TBC1D19: variants seen among roughly 807,000 people sequenced by gnomAD.
The protein encoded by TBC1D19 is TBC1 domain family member 19.
A neutral mutation model predicts 89.0 loss-of-function variants in TBC1D19; 60 were observed. The ratio of observed to expected loss-of-function variants is 0.67; its 90% CI spans 0.55 to 0.84. The LOEUF is 0.84. Among genes scored for constraint, TBC1D19 ranks in the 40% least tolerant of loss-of-function variants. The pLI is 0.00. For missense variants in TBC1D19, 500 were observed against 610.8 expected (o/e 0.82, Z 1.91); for synonymous variants, 189 against 199.7 (o/e 0.95, Z 0.45).
At chr4:26,630,138 A>T (rs1472337813) in intron 4 of TBC1D19, among the ~76,000 whole-genome samples, 2 of 151,716 alleles carry the variant, frequency 1.3e-5, no homozygotes, top group Non-Finnish European at 2.9e-5. Flanking sequence ...TGCTATACTA[A>T]TTTAAAAAAA....
chr4:26,628,578 T>G (rs1742586374), intron 4 of TBC1D19, among the ~76,000 whole-genome samples: 2 of 152,120 alleles, frequency 1.3e-5, no homozygotes, highest in Admixed American at 6.6e-5. Context: ...TGTCCTTGTT[T>G]GCAGATGACA....
chr4:26,845,313 G>C, the TBC1D19 span, among the ~76,000 whole-genome samples: 1 of 152,052 alleles, frequency 6.6e-6, no homozygotes, highest in African/African-American at 2.4e-5. Flanking sequence ...TTCAAAAAGT[G>C]TAATTACTGG....
intron 3 of TBC1D19, among the ~76,000 whole-genome samples, chr4:26,618,112 A>G (rs1435738935): frequency 1.3e-5 from 2 of 152,168 alleles, no homozygotes; most frequent in Non-Finnish European, 1.5e-5. Flanking sequence ...ATGCTACTGT[A>G]TGTTTGCTAT....
At chr4:26,786,727 A>AGGTGGGTG in the TBC1D19 span, among the ~76,000 whole-genome samples, 5 of 7,984 alleles carry the variant, frequency 6.3e-4, no homozygotes, top group Non-Finnish European at 1.2e-3. Context: ...GTGGGTGGAT[A>AGGTGGGTG]GGTGGGTGGG....
rs1717979487 is a variant in TBC1D19, at chr4:26,735,363, A to G, written c.1085-92A>G. On this transcript the variant is annotated intron_variant, in intron 15 of 20. Transcript: ENST00000264866. ...GAACAGAGTTGAAGCAAAAATAGAA[A>G]ACCTTTTTATTGTCAGTTTTAATCT... 6.6e-6 allele frequency: 7 copies of G among 1,063,018 alleles called. No homozygotes were observed. In the East Asian group the frequency reaches 2.1e-4, roughly 31 times the overall value. The allele number at this position is 1,063,018 out of a possible 1,614,324, so 65.8% of individuals were successfully genotyped here.
At chr4:26,835,255 T>C in the TBC1D19 span, among the ~76,000 whole-genome samples, 1 of 152,120 alleles carries the variant, frequency 6.6e-6, no homozygotes, top group Non-Finnish European at 1.5e-5. Context: ...GAAGGGGCCA[T>C]GAGCCAAGGA....
chr4:26,579,409 G>A (rs768396446), upstream of TBC1D19, among the ~76,000 whole-genome samples: 4 of 151,818 alleles, frequency 2.6e-5, no homozygotes, highest in Non-Finnish European at 5.9e-5. Context: ...AGTCTTCTTC[G>A]GAGCTTCTTG....
At chr4:26,748,633 T>A in intron 19 of TBC1D19, 107 bp downstream of exon 19, 1 of 816,460 alleles carries the variant, frequency 1.2e-6, no homozygotes, top group Non-Finnish European at 2.0e-6. Context: ...CACTTCTAAT[T>A]CATGAACAAT....
the TBC1D19 span, among the ~76,000 whole-genome samples, chr4:26,763,279 AG>A: frequency 6.6e-6 from 1 of 152,168 alleles, no homozygotes; most frequent in African/African-American, 2.4e-5. Context: ...TATAAAGGGA[AG>A]TGGGAGTCAG....
intron 7 of TBC1D19, among the ~76,000 whole-genome samples, chr4:26,655,185 T>G (rs1370214203): frequency 1.3e-5 from 2 of 152,134 alleles, no homozygotes; most frequent in Admixed American, 6.5e-5. Flanking sequence ...TGCGGAACAG[T>G]AGATATTGGT....
At chr4:26,606,658 T>C (rs1011069465) in intron 1 of TBC1D19, among the ~76,000 whole-genome samples, 2 of 152,102 alleles carry the variant, frequency 1.3e-5, no homozygotes, top group Non-Finnish European at 2.9e-5. Context: ...AGAAAATCAT[T>C]TGGAGAGGAT....
the TBC1D19 span, among the ~76,000 whole-genome samples, chr4:26,779,075 A>G: frequency 2.6e-5 from 4 of 152,202 alleles, no homozygotes. Context: ...GTTCCTAAGA[A>G]TACTGGGAGC....
At chr4:26,621,752 T>G (rs1288180722) in intron 4 of TBC1D19, among the ~76,000 whole-genome samples, 1 of 152,144 alleles carries the variant, frequency 6.6e-6, no homozygotes, top group Non-Finnish European at 1.5e-5. Flanking sequence ...TCAGTTAATG[T>G]TTATTTATCA....
At chr4:26,857,530 G>T in the TBC1D19 span, 1 of 152,232 alleles carries the variant, frequency 6.6e-6, no homozygotes, top group African/African-American at 2.4e-5. Flanking sequence ...ACAGCCCGCC[G>T]CGCCCGCCCA....
intron 19 of TBC1D19, among the ~76,000 whole-genome samples, chr4:26,749,814 C>G (rs1259716137): frequency 6.6e-6 from 1 of 152,042 alleles, no homozygotes; most frequent in African/African-American, 2.4e-5. Context: ...CCCTGGGTGG[C>G]AATTACCCTG....
downstream of TBC1D19, among the ~76,000 whole-genome samples, chr4:26,761,067 G>A (rs78634530): frequency 6.5e-4 from 99 of 152,148 alleles, 1 homozygote; most frequent in East Asian, 0.018. Flanking sequence ...ATGAATTTTT[G>A]TCTAACCTAA....
At chr4:26,653,348 A>C (rs914136483) in intron 7 of TBC1D19, among the ~76,000 whole-genome samples, 4 of 152,152 alleles carry the variant, frequency 2.6e-5, no homozygotes, top group African/African-American at 9.7e-5. Context: ...TATTCTGTTG[A>C]CTTGGGGTGG....
chr4:26,653,675 A>G (rs1351670072), intron 7 of TBC1D19, among the ~76,000 whole-genome samples: 1 of 152,062 alleles, frequency 6.6e-6, no homozygotes, highest in East Asian at 1.9e-4. Context: ...AGTCTGTTTT[A>G]TCAGAGACTA....
intron 13 of TBC1D19, among the ~76,000 whole-genome samples, chr4:26,710,395 T>C (rs1378645734): frequency 6.6e-6 from 1 of 152,224 alleles, no homozygotes; most frequent in Non-Finnish European, 1.5e-5. Context: ...TATTCCATGG[T>C]GTGTATGTGC....
Sources: gnomAD v4.1 joint callset for allele counts (sites outside exome capture counted in the v4.1 genomes callset) on GRCh38, gnomAD v4.1.1 for gene constraint, MANE v1.5 for transcripts, NCBI Gene and HGNC (gene_info 2026-07-23, HGNC 2026-07-21) for gene names.